The following SDK1 variants were observed in gnomAD, a reference collection of about 807,000 sequenced individuals.
SDK1 encodes protein sidekick-1.
SDK1 carries 157 observed loss-of-function variants against 245.5 expected under a neutral mutation model. The ratio of observed to expected loss-of-function variants is 0.64; its 90% CI spans 0.56 to 0.73. The LOEUF is 0.73. Ranked by LOEUF, SDK1 falls within the 30% of genes least tolerant of loss-of-function variation. SDK1 has a pLI of 0.00. For missense variants in SDK1, 3,583 were observed against 3,002.3 expected (o/e 1.19, Z -4.52); for synonymous variants, 1,647 against 1,278.5 (o/e 1.29, Z -6.15).
chr7:3,823,045 AT>A (rs1779684802), intron 5 of SDK1, among the ~76,000 whole-genome samples: 1 of 152,040 alleles, frequency 6.6e-6, no homozygotes, highest in Admixed American at 6.6e-5. Context: ...CTTGGCACAG[AT>A]TTAGGATGAG....
At chr7:3,833,273 C>A (rs190335145) in intron 5 of SDK1, among the ~76,000 whole-genome samples, 16 of 152,086 alleles carry the variant, frequency 1.1e-4, no homozygotes, top group South Asian at 2.1e-4. Context: ...TGGCCCCGTG[C>A]GGTAGTTTGC....
At chr7:3,612,688 A>G (rs1562601779) in intron 1 of SDK1, among the ~76,000 whole-genome samples, 1 of 152,208 alleles carries the variant, frequency 6.6e-6, no homozygotes, top group Non-Finnish European at 1.5e-5. Context: ...TGAAAGGAAG[A>G]TTAGTGGTTT....
At chr7:4,140,236 C>T (rs1209193106) in intron 28 of SDK1, among the ~76,000 whole-genome samples, 1 of 152,158 alleles carries the variant, frequency 6.6e-6, no homozygotes, top group East Asian at 1.9e-4. Context: ...TTGCCTCTGG[C>T]CCCCGCTGCA....
chr7:3,695,058 C>G (rs188300248), intron 4 of SDK1, among the ~76,000 whole-genome samples: 1 of 152,148 alleles, frequency 6.6e-6, no homozygotes, highest in Non-Finnish European at 1.5e-5. Flanking sequence ...AGAGACTCTA[C>G]ATATTAGAGA....
chr7:3,657,143 G>A (rs1783211563), intron 4 of SDK1, among the ~76,000 whole-genome samples: 1 of 152,180 alleles, frequency 6.6e-6, no homozygotes, highest in South Asian at 2.1e-4. Context: ...AAAGGGATGT[G>A]CTTGGAGGTC....
intron 1 of SDK1, among the ~76,000 whole-genome samples, chr7:3,574,297 T>C (rs1780215689): frequency 2.0e-5 from 3 of 151,918 alleles, no homozygotes; most frequent in Non-Finnish European, 4.4e-5. Flanking sequence ...TTTGTATTTT[T>C]AGTAGAGACA....
intron 14 of SDK1, among the ~76,000 whole-genome samples, chr7:3,989,627 G>C (rs989637853): frequency 6.6e-6 from 1 of 152,096 alleles, no homozygotes; most frequent in South Asian, 2.1e-4. Flanking sequence ...GTGCACTCTC[G>C]GGTACCCTCC....
At chr7:3,845,438 C>T (rs1288414483) in intron 5 of SDK1, among the ~76,000 whole-genome samples, 4 of 139,468 alleles carry the variant, frequency 2.9e-5, no homozygotes, top group Middle Eastern at 3.5e-3. Context: ...TGCAGTGAGC[C>T]GAGATCGCGC....
intron 1 of SDK1, among the ~76,000 whole-genome samples, chr7:3,433,226 G>C (rs1779919608): frequency 6.6e-6 from 1 of 152,110 alleles, no homozygotes; most frequent in African/African-American, 2.4e-5. Context: ...CTAGTTATCT[G>C]CCTCAACCCT....
rs575310233 is a variant in SDK1 at position 3,552,892 on chromosome 7, G to C, written c.299-66188G>C. 1.3e-3 allele frequency among the ~76,000 whole-genome samples: 205 copies of C among 152,262 alleles called. 1 individual carries two copies. The highest frequency in any genetic ancestry group is 3.4e-3 in the Middle Eastern group (1 of 294). ...TACTGTTGCATAATTATGCTTTCCA[G>C]TTTATCTGAAGATTGTGCAGAAGAT... On this transcript the variant is annotated intron_variant, in intron 1 of 44. Transcript: ENST00000404826.
At chr7:3,758,072 G>A (rs890073325) in intron 4 of SDK1, among the ~76,000 whole-genome samples, 2 of 152,154 alleles carry the variant, frequency 1.3e-5, no homozygotes, top group African/African-American at 4.8e-5. Flanking sequence ...AAGTTGTCAA[G>A]TCCAGCCCAC....
chr7:3,474,406 T>A (rs2128599660), intron 1 of SDK1, among the ~76,000 whole-genome samples: 1 of 152,152 alleles, frequency 6.6e-6, no homozygotes, highest in African/African-American at 2.4e-5. Context: ...CTCTACCAGA[T>A]GTTTTAAAGA....
At chr7:3,797,570 TA>T (rs899642805) in intron 4 of SDK1, among the ~76,000 whole-genome samples, 3 of 151,844 alleles carry the variant, frequency 2.0e-5, no homozygotes, top group South Asian at 2.1e-4. Flanking sequence ...ACTTAATACC[TA>T]AAAAAAATCA....
At chr7:3,566,325 C>T (rs1199174871) in intron 1 of SDK1, among the ~76,000 whole-genome samples, 5 of 150,698 alleles carry the variant, frequency 3.3e-5, no homozygotes, top group South Asian at 2.1e-4. Flanking sequence ...CCCAGGTTCA[C>T]GCCATTCTCC....
chr7:3,331,535 G>A (rs11973436), intron 1 of SDK1, among the ~76,000 whole-genome samples: 21,926 of 152,058 alleles, frequency 0.14, 2,444 homozygotes, highest in African/African-American at 0.31. Context: ...AGATATAAGT[G>A]CTTTATCAGG....
At chr7:3,354,668 G>A (rs1041779378) in intron 1 of SDK1, among the ~76,000 whole-genome samples, 5 of 152,178 alleles carry the variant, frequency 3.3e-5, no homozygotes, top group Non-Finnish European at 5.9e-5. Flanking sequence ...GTGTTTCATT[G>A]GGAATTAATA....
rs75845858 is a variant in SDK1, at chr7:3,778,487, T to C, written c.714-42963T>C. On this transcript the variant is annotated intron_variant, in intron 4 of 44. Transcript: ENST00000404826. ...TTTCTATCTTTTTACATCTGGCAAA[T>C]AGACCCAGAGAATGTTTTTGTTTCA... 8.1e-3 allele frequency among the ~76,000 whole-genome samples: 1,231 copies of C among 152,334 alleles called. 7 individuals are homozygous for C. Among genetic ancestry groups the C allele is most frequent in the Admixed American group, 0.012 (178 of 15,304 alleles).
intron 5 of SDK1, among the ~76,000 whole-genome samples, chr7:3,853,653 GC>G (rs1237079468): frequency 6.6e-6 from 1 of 152,008 alleles, no homozygotes; most frequent in African/African-American, 2.4e-5. Flanking sequence ...AATCTGAGAT[GC>G]CCCAGTGAGC....
intron 4 of SDK1, among the ~76,000 whole-genome samples, chr7:3,804,792 C>G (rs1368724097): frequency 6.6e-6 from 1 of 152,122 alleles, no homozygotes; most frequent in African/African-American, 2.4e-5. Context: ...TAGGTTCTCA[C>G]CTATTTCTGT....
Sources: gnomAD v4.1 joint callset for allele counts (sites outside exome capture counted in the v4.1 genomes callset) on GRCh38, gnomAD v4.1.1 for gene constraint, MANE v1.5 for transcripts, NCBI Gene and HGNC (gene_info 2026-07-23, HGNC 2026-07-21) for gene names.